Variants in DYM observed in about 807,000 individuals in gnomAD.
DYM encodes dyggve-Melchior-Clausen syndrome protein.
DYM carries 78 observed loss-of-function variants against 93.1 expected under a neutral mutation model. The ratio of observed to expected loss-of-function variants is 0.84; its 90% CI spans 0.70 to 1.01. The LOEUF is 1.01. Among genes scored for constraint, DYM ranks in the 50% least tolerant of loss-of-function variants. DYM has a pLI of 0.00. For synonymous variants in DYM, 321 were observed against 319.7 expected (o/e 1.00, Z -0.04); for missense variants, 789 against 845.0 (o/e 0.93, Z 0.82).
chr18:49,443,049 T>C (rs1456709148), intron 1 of DYM, among the ~76,000 whole-genome samples: 3 of 152,108 alleles, frequency 2.0e-5, no homozygotes, highest in Non-Finnish European at 2.9e-5. Context: ...GGTTTCACCA[T>C]GTTGGCCAGG....
At chr18:49,332,119 A>G in intron 7 of DYM, 113 bp from the exon 8 acceptor site, 1 of 1,118,926 alleles carries the variant, frequency 8.9e-7, no homozygotes, top group Non-Finnish European at 1.3e-6. Flanking sequence ...CAAAAGGGCT[A>G]TTGGCACAAC....
intron 8 of DYM, among the ~76,000 whole-genome samples, chr18:49,302,219 C>G (rs1001525345): frequency 6.6e-6 from 1 of 152,168 alleles, no homozygotes; most frequent in Admixed American, 6.5e-5. Context: ...CCAAGACTCT[C>G]TGAAATACAG....
At position 49,125,106 on chromosome 18, in the gene DYM, A is replaced by G. The variant is rs2143836198; in HGVS notation, c.1729-6180T>C. On this transcript the variant is annotated intron_variant, in intron 15 of 17. Coordinates refer to ENST00000675505, the MANE Select transcript of DYM (RefSeq NM_001353214.3). ...AACCTCGCCTCTACTAAATATACAAAAAAAGTAGCTGGGTGTGGTGGCACA... is the reference window on the plus strand; with the variant it reads ...AACCTCGCCTCTACTAAATATACAAGAAAAGTAGCTGGGTGTGGTGGCACA... Among the ~76,000 whole-genome samples the G allele has an allele frequency of 1.3e-5, 2 of 152,176 alleles. 1 individual carries two copies. Among genetic ancestry groups the G allele is most frequent in the Middle Eastern group, 6.8e-3 (2 of 292 alleles).
intron 15 of DYM, among the ~76,000 whole-genome samples, chr18:49,149,057 C>T (rs751396545): frequency 2.6e-5 from 4 of 152,096 alleles, no homozygotes; most frequent in Non-Finnish European, 4.4e-5. Context: ...CTGCGGGTGA[C>T]GGGAGACTGT....
At chr18:49,318,630 AAGAG>A (rs905503173) in intron 8 of DYM, among the ~76,000 whole-genome samples, 18 of 150,892 alleles carry the variant, frequency 1.2e-4, no homozygotes, top group Admixed American at 2.6e-4. Flanking sequence ...CCCCACAAAA[AAGAG>A]AGAGAGAGAG....
At chr18:49,427,772 AG>A (rs973701049) in intron 2 of DYM, among the ~76,000 whole-genome samples, 7 of 152,194 alleles carry the variant, frequency 4.6e-5, no homozygotes, top group African/African-American at 1.7e-4. Flanking sequence ...CATACAATGG[AG>A]TATCACTCAG....
chr18:49,154,175 CAAGA>C (rs1413670207), intron 15 of DYM, among the ~76,000 whole-genome samples: 4 of 151,978 alleles, frequency 2.6e-5, no homozygotes, highest in Admixed American at 2.0e-4. Context: ...TCATGAAAGA[CAAGA>C]AAGACTTAGG....
intron 8 of DYM, among the ~76,000 whole-genome samples, chr18:49,289,776 C>A (rs868277046): frequency 2.3e-5 from 2 of 85,526 alleles, no homozygotes; most frequent in Non-Finnish European, 4.1e-5. Context: ...TATATATACA[C>A]ATATATATAT....
At position 49,041,597 on chromosome 18, in the gene DYM, G is replaced by A. The variant is rs16950274; in HGVS notation, c.*2458C>T. On this transcript the variant is annotated 3_prime_UTR_variant, in exon 18 of 18. Coordinates refer to ENST00000675505, the MANE Select transcript of DYM (RefSeq NM_001353214.3). Reference sequence around the variant, plus strand: ...CGTGGTGGGGCCTCCCTCCTGAGCGGGAACCAGGACTGGGAGCATCACTTG... The same window carrying A: ...CGTGGTGGGGCCTCCCTCCTGAGCGAGAACCAGGACTGGGAGCATCACTTG... 1.3e-5 allele frequency: 2 copies of A among 152,256 alleles called. No homozygotes were observed. Among genetic ancestry groups the A allele is most frequent in the Non-Finnish European group, 2.9e-5 (2 of 68,054 alleles). The allele number at this position is 152,256 out of a possible 1,614,324, so 9.4% of individuals were successfully genotyped here.
intron 11 of DYM, among the ~76,000 whole-genome samples, chr18:49,259,338 A>G (rs1313392385): frequency 6.6e-6 from 1 of 152,220 alleles, no homozygotes; most frequent in Non-Finnish European, 1.5e-5. Context: ...GAACCAAATC[A>G]AGACTCTCTT....
chr18:49,159,214 G>C (rs1037680349), intron 15 of DYM, among the ~76,000 whole-genome samples: 25 of 152,092 alleles, frequency 1.6e-4, no homozygotes, highest in Non-Finnish European at 7.4e-5. Context: ...ATCAACTATT[G>C]AGTCAAATGA....
intron 6 of DYM, among the ~76,000 whole-genome samples, chr18:49,338,650 C>T (rs1213658645): frequency 6.6e-6 from 1 of 152,146 alleles, no homozygotes; most frequent in African/African-American, 2.4e-5. Context: ...GATTACTCCA[C>T]AAATCAATGA....
chr18:49,039,151 T>G lies in DYM; in HGVS notation c.*4904A>C, dbSNP rs1056911449. 6.6e-6 allele frequency among the ~76,000 whole-genome samples: 1 copy of G among 152,220 alleles called. No homozygotes were observed. The highest frequency in any genetic ancestry group is 1.5e-5 in the Non-Finnish European group (1 of 68,040). ...TCTCTAAAAATGTCTTCATATCCTC[T>G]TCATTTTTGCAGGATATTTTCCCTG... On this transcript the variant is annotated 3_prime_UTR_variant, in exon 18 of 18. Transcript: ENST00000675505.
At chr18:49,292,821 G>C (rs1024385512) in intron 8 of DYM, among the ~76,000 whole-genome samples, 1 of 151,948 alleles carries the variant, frequency 6.6e-6, no homozygotes, top group African/African-American at 2.4e-5. Context: ...GTGTTGACAA[G>C]TTTTTTGTCT....
intron 8 of DYM, among the ~76,000 whole-genome samples, chr18:49,303,739 A>G (rs916954892): frequency 3.3e-5 from 5 of 152,244 alleles, no homozygotes; most frequent in Admixed American, 6.5e-5. Flanking sequence ...TCCTATATTC[A>G]TACAAATGAA....
At chr18:49,097,330 G>T in intron 17 of DYM, 72 bp downstream of exon 17, 2 of 1,354,778 alleles carry the variant, frequency 1.5e-6, no homozygotes, top group South Asian at 1.2e-5. Flanking sequence ...TCTGGATAGG[G>T]TCTGCTAAGA....
At chr18:49,445,479 A>T (rs1030498361) in intron 1 of DYM, among the ~76,000 whole-genome samples, 1 of 152,200 alleles carries the variant, frequency 6.6e-6, no homozygotes, top group Non-Finnish European at 1.5e-5. Context: ...AAAAGAACGG[A>T]GAAAAGATAA....
chr18:49,325,783 T>G (rs1215447743), intron 8 of DYM, among the ~76,000 whole-genome samples: 1 of 152,200 alleles, frequency 6.6e-6, no homozygotes, highest in Non-Finnish European at 1.5e-5. Flanking sequence ...TCCAATTTAT[T>G]TATTCCATGT....
intron 15 of DYM, among the ~76,000 whole-genome samples, chr18:49,135,318 T>G (rs538645966): frequency 6.6e-5 from 10 of 152,274 alleles, no homozygotes; most frequent in African/African-American, 1.9e-4. Flanking sequence ...CCCAGTTGTA[T>G]GAAAAATTGG....
Sources: gnomAD v4.1 joint callset for allele counts (sites outside exome capture counted in the v4.1 genomes callset) on GRCh38, gnomAD v4.1.1 for gene constraint, MANE v1.5 for transcripts, NCBI Gene and HGNC (gene_info 2026-07-23, HGNC 2026-07-21) for gene names.